Variants in ZNF540 observed in about 807,000 individuals in gnomAD.
The protein encoded by ZNF540 is zinc finger protein 540, also known as CTD-3064H18.6.
ZNF540 carries 3 observed loss-of-function variants against 11.8 expected under a neutral mutation model. That is an observed-to-expected ratio of 0.25 (90% CI 0.12 to 0.65). The LOEUF is 0.65. ZNF540 is among the 30% of genes least tolerant of loss of function. The pLI is 0.83. For synonymous variants in ZNF540, 247 were observed against 259.0 expected, an observed-to-expected ratio of 0.95 and a Z score of 0.45; for missense variants, 709 against 793.1, an observed-to-expected ratio of 0.89 and a Z score of 1.27.
At chr19:37,571,991 T>G (rs1345011132) in intron 1 of ZNF540, among the ~76,000 whole-genome samples, 1 of 152,174 alleles carries the variant, frequency 6.6e-6, no homozygotes, top group Non-Finnish European at 1.5e-5. Flanking sequence ...AATTTTACCA[T>G]TATCCAAATA....
chr19:37,596,922 T>C (rs113237551), intron 1 of ZNF540, among the ~76,000 whole-genome samples: 16 of 152,364 alleles, frequency 1.1e-4, no homozygotes, highest in African/African-American at 3.8e-4. Context: ...ACCCAAGTCA[T>C]TATTCACGCT....
At chr19:37,562,253 G>C (rs1479563766) in intron 1 of ZNF540, 1 of 152,144 alleles carries the variant, frequency 6.6e-6, no homozygotes, top group Non-Finnish European at 1.5e-5. Flanking sequence ...ATGGTGGCAC[G>C]CACCTGTAAT....
intron 1 of ZNF540, among the ~76,000 whole-genome samples, chr19:37,570,994 T>TTACACCAC: frequency 6.6e-6 from 1 of 152,218 alleles, no homozygotes; most frequent in East Asian, 1.9e-4. Context: ...TAACAGTATA[T>TTACACCAC]AGCCTATTTC....
chr19:37,556,435 G>A (rs1037205057), intron 1 of ZNF540, among the ~76,000 whole-genome samples: 8 of 152,218 alleles, frequency 5.3e-5, no homozygotes, highest in African/African-American at 9.6e-5. Flanking sequence ...TTTTTGATGC[G>A]GGAGTGATGA....
intron 2 of ZNF540, among the ~76,000 whole-genome samples, 167 bp downstream of exon 2, chr19:37,598,623 T>A (rs2044014394): frequency 6.6e-6 from 1 of 152,178 alleles, no homozygotes; most frequent in Non-Finnish European, 1.5e-5. Context: ...CACATGCACA[T>A]TGACCAACTC....
intron 1 of ZNF540, among the ~76,000 whole-genome samples, chr19:37,553,492 A>G (rs1192970937): frequency 1.3e-5 from 2 of 151,940 alleles, no homozygotes; most frequent in Non-Finnish European, 2.9e-5. Flanking sequence ...AATTATTGAT[A>G]TATTTGGGTT....
intron 1 of ZNF540, chr19:37,585,739 T>G (rs980849929): frequency 6.6e-6 from 1 of 152,200 alleles, no homozygotes; most frequent in Non-Finnish European, 1.5e-5. Context: ...ACAAAACCTA[T>G]GTATACCTTA....
chr19:37,588,501 G>A (rs1288552615), intron 1 of ZNF540, among the ~76,000 whole-genome samples: 1 of 152,120 alleles, frequency 6.6e-6, no homozygotes, highest in African/African-American at 2.4e-5. Context: ...TGGAAGCTAA[G>A]CACTGGGTAC....
At chr19:37,580,613 G>A (rs1448066222) in intron 1 of ZNF540, among the ~76,000 whole-genome samples, 2 of 152,194 alleles carry the variant, frequency 1.3e-5, no homozygotes, top group African/African-American at 4.8e-5. Flanking sequence ...CTTGGGTCAT[G>A]GGGGCTGGTC....
intron 1 of ZNF540, among the ~76,000 whole-genome samples, chr19:37,571,559 C>T (rs1166161808): frequency 1.3e-5 from 2 of 152,136 alleles, no homozygotes; most frequent in African/African-American, 4.8e-5. Flanking sequence ...CCAAACCATA[C>T]ACAAGGTTCC....
At chr19:37,580,677 A>G (rs1458722594) in intron 1 of ZNF540, among the ~76,000 whole-genome samples, 1 of 151,982 alleles carries the variant, frequency 6.6e-6, no homozygotes, top group Non-Finnish European at 1.5e-5. Context: ...TCGCTCTACT[A>G]GTTCTCAAGG....
chr19:37,605,162 G>A (rs978429781), intron 4 of ZNF540, among the ~76,000 whole-genome samples: 1 of 152,122 alleles, frequency 6.6e-6, no homozygotes, highest in Non-Finnish European at 1.5e-5. Flanking sequence ...GATTATATAA[G>A]TATATATAAG....
intron 1 of ZNF540, among the ~76,000 whole-genome samples, chr19:37,587,742 G>A (rs1256910251): frequency 1.3e-5 from 2 of 152,064 alleles, no homozygotes; most frequent in Non-Finnish European, 2.9e-5. Context: ...GAGCTTTGAA[G>A]CACCATAAGC....
chr19:37,591,629 C>T (rs1289867123), upstream of ZNF540, among the ~76,000 whole-genome samples: 2 of 152,208 alleles, frequency 1.3e-5, no homozygotes, highest in Non-Finnish European at 2.9e-5. Context: ...ACCACAACCT[C>T]GGCCTCCCGG....
At position 37,595,030 on chromosome 19, in the gene ZNF540, G is replaced by C. The variant is rs1341608008; in HGVS notation, c.-138G>C. The stretch of plus-strand genomic sequence containing the variant: ...CCAGAGAATCTCACACAAAGAGGTT[G>C]AGTCTTGCCGTGGTGCCTTCAGGGG... On this transcript the variant is annotated 5_prime_UTR_variant, in exon 1 of 5. It removes the in-frame stop codon of an upstream open reading frame in the 5' UTR. Transcript: ENST00000316433. 4 of 152,206 alleles carry C rather than the reference G, an allele frequency of 2.6e-5. No individual in the cohort carries two copies. Among genetic ancestry groups the C allele is most frequent in the South Asian group, 4.1e-4 (2 of 4,826 alleles). 9.4% of individuals were successfully genotyped at this position (152,206 alleles called of 1,614,324 possible). A position where few individuals can be genotyped will look rare whatever the true frequency, so the allele number is the denominator to read the frequency against.
At chr19:37,610,696 G>A (rs2044121464) in intron 4 of ZNF540, among the ~76,000 whole-genome samples, 1 of 152,136 alleles carries the variant, frequency 6.6e-6, no homozygotes, top group African/African-American at 2.4e-5. Context: ...GAGTAAGGAG[G>A]ACAATGTCTT....
upstream of ZNF540, among the ~76,000 whole-genome samples, chr19:37,592,771 T>C (rs776531483): frequency 2.4e-4 from 37 of 152,176 alleles, 1 homozygote; most frequent in Non-Finnish European, 4.0e-4. Flanking sequence ...TACAGAAATA[T>C]GAAGGAACGG....
chr19:37,604,953 T>TCATCCA (rs1335483536), intron 4 of ZNF540, among the ~76,000 whole-genome samples: 3 of 152,260 alleles, frequency 2.0e-5, no homozygotes, highest in Non-Finnish European at 4.4e-5. Flanking sequence ...TCCAAGTAGT[T>TCATCCA]AGAAGTCTCA....
chr19:37,555,973 CT>C, intron 1 of ZNF540: 1 of 701,188 alleles, frequency 1.4e-6, no homozygotes, highest in Non-Finnish European at 2.6e-6. Context: ...TGGTAAGTAT[CT>C]CGACAGCTAG....
Sources: allele counts gnomAD v4.1 joint callset (sites outside exome capture counted in the v4.1 genomes callset), GRCh38; gene constraint gnomAD v4.1.1; transcripts MANE v1.5; gene names NCBI Gene and HGNC (gene_info 2026-07-23, HGNC 2026-07-21).